The following GPC6 variants were observed in gnomAD, a reference collection of about 807,000 sequenced individuals.
GPC6 encodes glypican 6, also known as glypican-6.
Under a neutral mutation model 55.2 loss-of-function variants are expected in GPC6, and 14 were observed. The ratio of observed to expected loss-of-function variants is 0.25; its 90% confidence interval spans 0.17 to 0.40. The LOEUF is 0.40. GPC6 is among the 10% of genes least tolerant of loss of function. GPC6 has a pLI of 1.00. For missense variants in GPC6, 641 were observed against 708.5 expected (o/e 0.90, Z 1.08); for synonymous variants, 278 against 259.6 (o/e 1.07, Z -0.68).
chr13:93,345,489 C>T (rs1321751863), intron 1 of GPC6, among the ~76,000 whole-genome samples: 1 of 151,834 alleles, frequency 6.6e-6, no homozygotes, highest in Non-Finnish European at 1.5e-5. Context: ...TGGAAAAAAA[C>T]TCTAAATGAA....
chr13:94,078,690 A>G (rs9589895), intron 4 of GPC6, among the ~76,000 whole-genome samples: 27,482 of 151,790 alleles, frequency 0.18, 2,604 homozygotes, highest in South Asian at 0.25. Flanking sequence ...CCGACACTGA[A>G]ACATGAACTA....
chr13:93,844,173 T>C (rs1439015970), intron 3 of GPC6, among the ~76,000 whole-genome samples: 1 of 152,092 alleles, frequency 6.6e-6, no homozygotes, highest in African/African-American at 2.4e-5. Flanking sequence ...AGAGTCTCGC[T>C]CTGTCACCAG....
In GPC6 at chr13:93,425,633, C is replaced by T. The variant is rs1173817008; in HGVS notation, c.161-119630C>T. Among the ~76,000 whole-genome samples, 24 of 152,154 alleles carry T rather than the reference C, an allele frequency of 1.6e-4. 1 individual carries two copies. The highest frequency in any genetic ancestry group is 1.6e-3 in the Admixed American group (24 of 15,268). Reference sequence around the variant, plus strand: ...AAATAGTGTAAGGATCACCATGCTCCAGTAATCTCAGAAGAGAGTTTGTTG... The same window carrying T: ...AAATAGTGTAAGGATCACCATGCTCTAGTAATCTCAGAAGAGAGTTTGTTG... On this transcript the variant is annotated intron_variant, in intron 1 of 8. Coordinates refer to ENST00000377047, the MANE Select transcript of GPC6 (RefSeq NM_005708.5).
chr13:93,346,892 G>T (rs1880450650), intron 1 of GPC6, among the ~76,000 whole-genome samples: 1 of 149,518 alleles, frequency 6.7e-6, no homozygotes, highest in Non-Finnish European at 1.5e-5. Context: ...TCATGAACTA[G>T]GTATGTTTAT....
intron 3 of GPC6, among the ~76,000 whole-genome samples, chr13:93,993,366 T>C (rs1881399173): frequency 6.6e-6 from 1 of 151,250 alleles, no homozygotes; most frequent in African/African-American, 2.4e-5. Flanking sequence ...CAGTCTCAGC[T>C]CACTGCAACC....
In GPC6 at chr13:93,275,373, TGAG is replaced by T. The variant is rs573993940; in HGVS notation, c.160+47761_160+47763del. Among the ~76,000 whole-genome samples the T allele has an allele frequency of 4.4e-3, 669 of 152,258 alleles. 5 individuals are homozygous for T. The highest frequency in any genetic ancestry group is 0.016 in the African/African-American group (645 of 41,540). The stretch of plus-strand genomic sequence containing the variant: ...TACGGAATTTTATGAGGCATGGAAA[TGAG>T]GAGAAGAGAGCCTCATTCTTCAGAA... On this transcript the variant is annotated intron_variant, in intron 1 of 8. Coordinates refer to ENST00000377047, the MANE Select transcript of GPC6 (RefSeq NM_005708.5).
intron 4 of GPC6, among the ~76,000 whole-genome samples, chr13:94,055,952 G>A (rs1884117246): frequency 6.6e-6 from 1 of 152,142 alleles, no homozygotes; most frequent in South Asian, 2.1e-4. Flanking sequence ...GAAGGTAGCT[G>A]TCCTGACTTC....
chr13:93,490,906 A>C (rs1879975354), intron 1 of GPC6, among the ~76,000 whole-genome samples: 1 of 58,130 alleles, frequency 1.7e-5, no homozygotes, highest in Non-Finnish European at 3.2e-5. Flanking sequence ...CATTTTCTTA[A>C]TCCAGTCTAT....
chr13:94,104,045 T>G (rs1375408340), intron 4 of GPC6, among the ~76,000 whole-genome samples: 1 of 152,232 alleles, frequency 6.6e-6, no homozygotes, highest in Non-Finnish European at 1.5e-5. Context: ...TAATCCATCT[T>G]GAATTAATTT....
At chr13:93,353,564 G>A (rs536277485) in intron 1 of GPC6, among the ~76,000 whole-genome samples, 1 of 152,298 alleles carries the variant, frequency 6.6e-6, no homozygotes, top group Non-Finnish European at 1.5e-5. Flanking sequence ...GCATTCAGAA[G>A]GTGTTTAAGA....
At chr13:93,450,333 C>G (rs1878178079) in intron 1 of GPC6, among the ~76,000 whole-genome samples, 2 of 152,214 alleles carry the variant, frequency 1.3e-5, no homozygotes, top group Non-Finnish European at 2.9e-5. Flanking sequence ...CACTGGCTTC[C>G]TGATGTAATC....
At chr13:93,306,803 G>C (rs1466270192) in intron 1 of GPC6, among the ~76,000 whole-genome samples, 1 of 152,030 alleles carries the variant, frequency 6.6e-6, no homozygotes, top group South Asian at 2.1e-4. Flanking sequence ...TGTTTAAGTA[G>C]CTATTCTTTG....
chr13:93,421,685 A>T (rs528178143), intron 1 of GPC6, among the ~76,000 whole-genome samples: 1 of 152,246 alleles, frequency 6.6e-6, no homozygotes, highest in African/African-American at 2.4e-5. Flanking sequence ...ACCACTTAAC[A>T]TCCTTTTAAT....
intron 1 of GPC6, among the ~76,000 whole-genome samples, chr13:93,228,188 C>G (rs933062745): frequency 1.2e-4 from 18 of 152,186 alleles, no homozygotes; most frequent in African/African-American, 4.1e-4. Context: ...TGGGAGGGAC[C>G]CTCGCCGGGG....
intron 1 of GPC6, among the ~76,000 whole-genome samples, chr13:93,291,966 C>T (rs944845687): frequency 1.2e-4 from 18 of 152,172 alleles, no homozygotes; most frequent in African/African-American, 4.1e-4. Context: ...AGTTAAAATG[C>T]TGTAAATATT....
intron 3 of GPC6, among the ~76,000 whole-genome samples, chr13:93,960,371 C>T (rs868207699): frequency 2.0e-5 from 3 of 152,208 alleles, no homozygotes; most frequent in East Asian, 1.9e-4. Context: ...CACGGATCTC[C>T]GTAGGCGGTA....
chr13:94,362,637 C>T (rs1879109739), intron 6 of GPC6, among the ~76,000 whole-genome samples: 1 of 152,132 alleles, frequency 6.6e-6, no homozygotes, highest in Admixed American at 6.6e-5. Context: ...GCTGGACCAT[C>T]TTGAAGGAAA....
chr13:93,896,297 A>G (rs1418190858), intron 3 of GPC6, among the ~76,000 whole-genome samples: 1 of 152,086 alleles, frequency 6.6e-6, no homozygotes, highest in Non-Finnish European at 1.5e-5. Context: ...ATTCTACAGT[A>G]GAAAAAAAAT....
rs61145768 is a variant in GPC6, at chr13:93,445,712, C to A, written c.161-99551C>A. Reference sequence around the variant, plus strand: ...AACTTGTTAATGGGATCTTATTCAGCTTTTCTAGTGCCTAGCATATTGTCA... The same window carrying A: ...AACTTGTTAATGGGATCTTATTCAGATTTTCTAGTGCCTAGCATATTGTCA... On this transcript the variant is annotated intron_variant, in intron 1 of 8. Transcript: ENST00000377047. 3.5e-3 allele frequency among the ~76,000 whole-genome samples: 534 copies of A among 152,290 alleles called. 5 individuals are homozygous for A. Among genetic ancestry groups the A allele is most frequent in the African/African-American group, 0.012 (514 of 41,560 alleles).
Sources: gnomAD v4.1 joint callset for allele counts (sites outside exome capture counted in the v4.1 genomes callset) on GRCh38, gnomAD v4.1.1 for gene constraint, MANE v1.5 for transcripts, NCBI Gene and HGNC (gene_info 2026-07-23, HGNC 2026-07-21) for gene names.